Variants in SMYD3 observed in about 807,000 individuals in gnomAD.
SMYD3 encodes the protein SET and MYND domain containing 3, also known as histone-lysine N-methyltransferase SMYD3.
SMYD3 carries 36 observed loss-of-function variants against 57.7 expected under a neutral mutation model. The observed-to-expected ratio is 0.62, with a 90% confidence interval of 0.48 to 0.82. SMYD3 has a LOEUF of 0.82. SMYD3 is among the 40% of genes least tolerant of loss of function. The pLI is 0.00. For synonymous variants in SMYD3, 211 were observed against 195.0 expected, an observed-to-expected ratio of 1.08 and a Z score of -0.68; for missense variants, 515 against 538.8, an observed-to-expected ratio of 0.96 and a Z score of 0.44.
intron 7 of SMYD3, among the ~76,000 whole-genome samples, chr1:245,922,340 A>G (rs1412029345): frequency 3.3e-5 from 5 of 152,254 alleles, no homozygotes; most frequent in South Asian, 2.1e-4. Context: ...TCAGAGGAGC[A>G]TGTATTAGAA....
At chr1:246,461,607 TA>T (rs200010895) in intron 1 of SMYD3, among the ~76,000 whole-genome samples, 21 of 147,126 alleles carry the variant, frequency 1.4e-4, no homozygotes, top group Middle Eastern at 3.6e-3. Context: ...AAAAAATATG[TA>T]AAAAAAAAAT....
chr1:246,440,107 G>A (rs1026638378), intron 1 of SMYD3, among the ~76,000 whole-genome samples: 2 of 152,170 alleles, frequency 1.3e-5, no homozygotes, highest in African/African-American at 4.8e-5. Flanking sequence ...TATTGATGAT[G>A]TTGAGTGAGG....
intron 10 of SMYD3, among the ~76,000 whole-genome samples, chr1:245,804,688 G>A (rs2048053458): frequency 6.6e-6 from 1 of 152,192 alleles, no homozygotes. Flanking sequence ...AGAGCTAGAG[G>A]GAACTAACTT....
intron 1 of SMYD3, among the ~76,000 whole-genome samples, chr1:246,376,356 C>T (rs954988397): frequency 1.3e-5 from 2 of 151,526 alleles, no homozygotes; most frequent in East Asian, 2.0e-4. Flanking sequence ...TTTGGGAGGC[C>T]GAGGTGAGCG....
intron 1 of SMYD3, among the ~76,000 whole-genome samples, chr1:246,426,733 C>G (rs1285634906): frequency 6.6e-6 from 1 of 152,096 alleles, no homozygotes; most frequent in Non-Finnish European, 1.5e-5. Context: ...TGGGAATATT[C>G]TTAGTGTCTT....
chr1:246,126,558 A>T (rs1034986355), intron 5 of SMYD3, among the ~76,000 whole-genome samples: 3 of 152,214 alleles, frequency 2.0e-5, no homozygotes, highest in African/African-American at 7.2e-5. Context: ...ATTGTGAAAA[A>T]TCATGTCGAC....
chr1:245,947,374 AG>A (rs2147925157), intron 5 of SMYD3: 1 of 457,110 alleles, frequency 2.2e-6, no homozygotes, highest in Non-Finnish European at 4.4e-6. Context: ...AGAATAGAAA[AG>A]TAAGCTTCCT....
chr1:245,980,081 G>A (rs189457687), intron 5 of SMYD3, among the ~76,000 whole-genome samples: 1 of 152,134 alleles, frequency 6.6e-6, no homozygotes, highest in African/African-American at 2.4e-5. Flanking sequence ...TAGTGAAGTC[G>A]GCCTCACAGA....
At chr1:245,765,237 A>T (rs2046034422) in intron 10 of SMYD3, among the ~76,000 whole-genome samples, 1 of 151,250 alleles carries the variant, frequency 6.6e-6, no homozygotes, top group South Asian at 2.1e-4. Context: ...AAAAAAAAAA[A>T]AATACAAAAA....
At position 246,093,995 on chromosome 1, in the gene SMYD3, T is replaced by C. The variant is rs184556547; in HGVS notation, c.532-164058A>G. 3.5e-3 allele frequency among the ~76,000 whole-genome samples: 535 copies of C among 152,214 alleles called. 1 individual carries two copies. The highest frequency in any genetic ancestry group is 5.4e-3 in the Non-Finnish European group (364 of 68,012). ...GTTTCACTATCCTGCATATATCCCC[T>C]ATGCGGACAGGGGCAGAGCTGTGTC... is the stretch of plus-strand genomic sequence containing the variant. On this transcript the variant is annotated intron_variant, in intron 5 of 11. Coordinates refer to ENST00000490107, the MANE Select transcript of SMYD3 (RefSeq NM_001167740.2).
intron 5 of SMYD3, among the ~76,000 whole-genome samples, chr1:246,223,861 A>C (rs2063290185): frequency 6.6e-6 from 1 of 152,172 alleles, no homozygotes; most frequent in South Asian, 2.1e-4. Context: ...TGGAATTGCT[A>C]AATTCTATAA....
intron 5 of SMYD3, among the ~76,000 whole-genome samples, chr1:246,182,179 A>G (rs984400528): frequency 6.6e-6 from 1 of 152,170 alleles, no homozygotes; most frequent in Admixed American, 6.5e-5. Flanking sequence ...GAGAGAGAGA[A>G]AGAGATCAAC....
intron 5 of SMYD3, among the ~76,000 whole-genome samples, chr1:245,983,973 T>C (rs989576520): frequency 3.9e-5 from 6 of 152,074 alleles, no homozygotes; most frequent in Non-Finnish European, 8.8e-5. Context: ...TGTATTTCAT[T>C]TGAGTAAACT....
intron 5 of SMYD3, chr1:246,186,859 G>A (rs910389824): frequency 5.1e-6 from 5 of 985,286 alleles, no homozygotes; most frequent in African/African-American, 3.5e-5. Flanking sequence ...CACATCACAG[G>A]CACAGTTACC....
chr1:245,857,576 C>T (rs572491822), intron 10 of SMYD3, among the ~76,000 whole-genome samples: 1 of 76,428 alleles, frequency 1.3e-5, no homozygotes, highest in Admixed American at 1.3e-4. Flanking sequence ...TAAAGATCTG[C>T]CCAGGTTGGA....
At chr1:246,282,306 A>C (rs987935867) in intron 5 of SMYD3, among the ~76,000 whole-genome samples, 67 of 13,588 alleles carry the variant, frequency 4.9e-3, no homozygotes, top group South Asian at 0.024. Flanking sequence ...TCATCTCTAC[A>C]AAAAAAAAAA....
intron 9 of SMYD3, among the ~76,000 whole-genome samples, chr1:245,862,415 C>T (rs1426852350): frequency 2.6e-5 from 4 of 151,958 alleles, no homozygotes; most frequent in East Asian, 1.9e-4. Flanking sequence ...CTTTTTGATC[C>T]GAATAGAAAT....
chr1:246,192,065 G>C (rs2062747214), intron 5 of SMYD3, among the ~76,000 whole-genome samples: 1 of 152,180 alleles, frequency 6.6e-6, no homozygotes, highest in South Asian at 2.1e-4. Flanking sequence ...TTAAAAGTTG[G>C]ATACAGAAGA....
intron 5 of SMYD3, among the ~76,000 whole-genome samples, chr1:246,257,543 G>C (rs1427672730): frequency 1.3e-5 from 2 of 152,182 alleles, no homozygotes; most frequent in Admixed American, 1.3e-4. Flanking sequence ...CTTGAAGACA[G>C]CAGATGACTG....
Sources: allele counts gnomAD v4.1 joint callset (sites outside exome capture counted in the v4.1 genomes callset), GRCh38; gene constraint gnomAD v4.1.1; transcripts MANE v1.5; gene names NCBI Gene and HGNC (gene_info 2026-07-23, HGNC 2026-07-21).